Variants in UTRN observed in about 807,000 individuals in gnomAD.
UTRN encodes the protein dystrophin-related protein 1.
A neutral mutation model predicts 463.9 loss-of-function variants in UTRN; 283 were observed. That is an observed-to-expected ratio of 0.61 (90% confidence interval 0.55 to 0.67). The LOEUF (loss-of-function observed/expected upper bound fraction) is 0.67, where lower values mean the gene tolerates loss of function less well. Among genes scored for constraint, UTRN ranks in the 30% least tolerant of loss-of-function variants. The probability of loss-of-function intolerance (pLI) is 0.00; values close to 1 mark genes in which losing one functional copy is unlikely to be tolerated. For missense variants in UTRN, 3,922 were observed against 4,084.3 expected, an observed-to-expected ratio of 0.96 and a Z score of 1.08; for synonymous variants, 1,442 against 1,431.5, an observed-to-expected ratio of 1.01 and a Z score of -0.17.
intron 23 of UTRN, among the ~76,000 whole-genome samples, chr6:144,466,985 TG>T (rs770123282): frequency 2.6e-5 from 4 of 152,244 alleles, no homozygotes; most frequent in Non-Finnish European, 4.4e-5. Context: ...CTCTTCTCTC[TG>T]GAATTCATCT....
chr6:144,631,913 T>G (rs751549836), intron 51 of UTRN, among the ~76,000 whole-genome samples: 99 of 152,216 alleles, frequency 6.5e-4, no homozygotes, highest in Non-Finnish European at 1.2e-3. Flanking sequence ...GTGAAGAAAT[T>G]CTGACCTTTT....
At chr6:144,311,926 G>A (rs1486485466) in intron 2 of UTRN, 1 of 152,046 alleles carries the variant, frequency 6.6e-6, no homozygotes, top group African/African-American at 2.4e-5. Flanking sequence ...AAATCCTGCA[G>A]GATTTAAAAA....
Position 144,514,040 on chromosome 6 carries a change from A to T in UTRN, c.5073+3A>T, listed in dbSNP as rs1218563373. 2 of 1,613,636 alleles carry T rather than the reference A, an allele frequency of 1.2e-6. No individual in the cohort carries two copies. Among genetic ancestry groups the T allele is most frequent in the Non-Finnish European group, 1.7e-6 (2 of 1,179,800 alleles). On this transcript the variant is annotated splice_donor_region_variant and intron_variant, in intron 36 of 74. Transcript: ENST00000367545. ...GTAAACAGGAAGAAATTGTGAAGGTAGCAAACACAGACATCAGTAACGCTT... is the reference window on the plus strand; with the variant it reads ...GTAAACAGGAAGAAATTGTGAAGGTTGCAAACACAGACATCAGTAACGCTT...
chr6:144,780,231 GAGAA>G (rs1397230714), intron 60 of UTRN, among the ~76,000 whole-genome samples: 2 of 152,142 alleles, frequency 1.3e-5, no homozygotes, highest in African/African-American at 4.8e-5. Flanking sequence ...ATCAGGCGAA[GAGAA>G]AGAAGTTGGT....
intron 42 of UTRN, 144 bp downstream of exon 42, chr6:144,531,346 C>G (rs1797042018): frequency 1.1e-6 from 1 of 907,974 alleles, no homozygotes; most frequent in East Asian, 3.1e-5. Flanking sequence ...TTCTTGTTAC[C>G]AGTTATAAAA....
intron 53 of UTRN, among the ~76,000 whole-genome samples, chr6:144,715,881 CTTTA>C (rs1203835220): frequency 1.3e-5 from 2 of 151,168 alleles, no homozygotes; most frequent in African/African-American, 4.9e-5. Context: ...CCTTTTGTCT[CTTTA>C]TTTCTCAGTA....
chr6:144,687,446 C>CA (rs970016423), intron 52 of UTRN, among the ~76,000 whole-genome samples: 3 of 151,256 alleles, frequency 2.0e-5, no homozygotes, highest in Admixed American at 6.6e-5. Context: ...TAAAAACAAT[C>CA]AAAAAAAGAC....
At chr6:144,482,582 G>A (rs1792010897) in intron 27 of UTRN, among the ~76,000 whole-genome samples, 194 bp downstream of exon 27, 2 of 152,076 alleles carry the variant, frequency 1.3e-5, no homozygotes, top group African/African-American at 4.8e-5. Flanking sequence ...AAAAATGAAA[G>A]AGGGGTTAAA....
At chr6:144,602,240 T>A (rs992034959) in intron 51 of UTRN, among the ~76,000 whole-genome samples, 2 of 151,966 alleles carry the variant, frequency 1.3e-5, no homozygotes, top group Admixed American at 6.6e-5. Flanking sequence ...CAAGCAATTC[T>A]CCTGCCTCAG....
intron 2 of UTRN, among the ~76,000 whole-genome samples, chr6:144,297,698 C>A (rs1249929879): frequency 6.6e-6 from 1 of 152,114 alleles, no homozygotes; most frequent in Admixed American, 6.6e-5. Context: ...TCAACTCTGG[C>A]AGAGAAGGGC....
At chr6:144,628,573 T>C (rs80105059) in intron 51 of UTRN, among the ~76,000 whole-genome samples, 9,210 of 152,324 alleles carry the variant, frequency 0.06, 347 homozygotes, top group Non-Finnish European at 0.08. Context: ...CCTTGACTTT[T>C]TCTCTAATAG....
chr6:144,378,798 A>G (rs77843107), intron 2 of UTRN, among the ~76,000 whole-genome samples: 10,368 of 152,294 alleles, frequency 0.068, 492 homozygotes, highest in Non-Finnish European at 0.11. Context: ...AGACAGTGTC[A>G]GAAGGTTATT....
chr6:144,822,520 A>T (rs1779691340), intron 66 of UTRN, among the ~76,000 whole-genome samples: 1 of 152,136 alleles, frequency 6.6e-6, no homozygotes, highest in Non-Finnish European at 1.5e-5. Flanking sequence ...AACTGTGTAC[A>T]ATTAAGATCT....
chr6:144,539,461 A>G lies in UTRN; in HGVS notation c.6519+18A>G, dbSNP rs781174627. 5.1e-6 allele frequency: 8 copies of G among 1,564,480 alleles called. No homozygotes were observed. The highest frequency in any genetic ancestry group is 1.2e-5 in the South Asian group (1 of 83,688). ...GGAATAAGGTGTGTGTAAAGTTACT[A>G]TCACACATTTCTCATATTTATTGAT... On this transcript the variant is annotated intron_variant, in intron 45 of 74. Coordinates refer to ENST00000367545, the MANE Select transcript of UTRN (RefSeq NM_007124.3).
At chr6:144,402,476 C>T (rs1473176067) in intron 2 of UTRN, among the ~76,000 whole-genome samples, 1 of 151,866 alleles carries the variant, frequency 6.6e-6, no homozygotes, top group Non-Finnish European at 1.5e-5. Flanking sequence ...AGTAACTTTT[C>T]TTTTTTTTAT....
At chr6:144,660,769 A>T (rs1779794822) in intron 51 of UTRN, among the ~76,000 whole-genome samples, 2 of 152,158 alleles carry the variant, frequency 1.3e-5, no homozygotes, top group African/African-American at 4.8e-5. Flanking sequence ...CTTCACAGTG[A>T]CAGTGGCACA....
chr6:144,396,996 A>C (rs919156544), intron 2 of UTRN, among the ~76,000 whole-genome samples: 3 of 152,194 alleles, frequency 2.0e-5, no homozygotes, highest in African/African-American at 4.8e-5. Flanking sequence ...CTGTAATCCC[A>C]GCACTTTGAG....
rs532922306 is a variant in UTRN at position 144,570,177 on chromosome 6, C to G, written c.7290-6922C>G. ...CCATGGTTTTGGAAAGTGTTTGCAC[C>G]CAGGTCTGGATGGTCAGTAGAAGTT... On this transcript the variant is annotated intron_variant, in intron 50 of 74. Transcript: ENST00000367545. 7.0e-4 allele frequency among the ~76,000 whole-genome samples: 106 copies of G among 151,842 alleles called. 3 individuals are homozygous for G. The highest frequency in any genetic ancestry group is 3.4e-3 in the Middle Eastern group (1 of 292).
intron 2 of UTRN, among the ~76,000 whole-genome samples, chr6:144,348,113 T>G (rs985764534): frequency 4.1e-4 from 63 of 152,156 alleles, no homozygotes; most frequent in African/African-American, 1.4e-3. Context: ...CCCAAAATGC[T>G]GGGATTACAG....
Sources: gnomAD v4.1 joint callset for allele counts (sites outside exome capture counted in the v4.1 genomes callset) on GRCh38, gnomAD v4.1.1 for gene constraint, MANE v1.5 for transcripts, NCBI Gene and HGNC (gene_info 2026-07-23, HGNC 2026-07-21) for gene names.